RANBP2: variants seen among roughly 807,000 people sequenced by gnomAD.
RANBP2 encodes the protein E3 SUMO-protein ligase RanBP2.
Under a neutral mutation model 303.6 loss-of-function variants are expected in RANBP2, and 57 were observed. The ratio of observed to expected loss-of-function variants is 0.19; its 90% CI spans 0.15 to 0.23. The LOEUF (loss-of-function observed/expected upper bound fraction) is 0.23, where lower values mean the gene tolerates loss of function less well. Among genes scored for constraint, RANBP2 ranks in the 10% least tolerant of loss-of-function variants. The pLI is 1.00. For synonymous variants in RANBP2, 1,167 were observed against 1,301.5 expected, an observed-to-expected ratio of 0.90 and a Z score of 2.23; for missense variants, 3,138 against 3,780.8, an observed-to-expected ratio of 0.83 and a Z score of 4.46.
At chr2:109,187,921 A>T in the RANBP2 span, among the ~76,000 whole-genome samples, 4 of 152,126 alleles carry the variant, frequency 2.6e-5, no homozygotes, top group African/African-American at 9.7e-5. Context: ...TGTGCCTGTC[A>T]GGACTCTCAG....
At chr2:109,688,908 C>A in the RANBP2 span, among the ~76,000 whole-genome samples, 1 of 144,470 alleles carries the variant, frequency 6.9e-6, no homozygotes, top group Non-Finnish European at 1.5e-5. Context: ...TCCTTCCTTT[C>A]TTCCTTCCTT....
chr2:109,003,859 A>G, the RANBP2 span, among the ~76,000 whole-genome samples: 2 of 152,148 alleles, frequency 1.3e-5, no homozygotes, highest in Non-Finnish European at 2.9e-5. Flanking sequence ...TTATATGAAG[A>G]GACACCAGCA....
chr2:109,249,886 G>GTGTT, the RANBP2 span, among the ~76,000 whole-genome samples: 1 of 150,710 alleles, frequency 6.6e-6, no homozygotes, highest in Non-Finnish European at 1.5e-5. Context: ...GGGTTTCACT[G>GTGTT]TGTTAGCCAG....
the RANBP2 span, among the ~76,000 whole-genome samples, chr2:109,515,922 G>A: frequency 9.9e-5 from 15 of 152,256 alleles, no homozygotes; most frequent in African/African-American, 3.6e-4. Flanking sequence ...CCCAAACACC[G>A]CCTGCCAGGC....
the RANBP2 span, among the ~76,000 whole-genome samples, chr2:109,278,443 T>C: frequency 6.6e-6 from 1 of 152,204 alleles, no homozygotes; most frequent in African/African-American, 2.4e-5. Flanking sequence ...TGTTGTCTGT[T>C]CAGCTAAAAT....
At chr2:108,750,809 G>A (rs1356808627) in intron 9 of RANBP2, among the ~76,000 whole-genome samples, 1 of 152,152 alleles carries the variant, frequency 6.6e-6, no homozygotes, top group Non-Finnish European at 1.5e-5. Flanking sequence ...GGCTGGTCTC[G>A]AACTCCTGAC....
chr2:109,159,474 C>T, the RANBP2 span, among the ~76,000 whole-genome samples: 1 of 152,224 alleles, frequency 6.6e-6, no homozygotes, highest in Non-Finnish European at 1.5e-5. Context: ...GAAGAATTGG[C>T]TTGTTTTACA....
chr2:109,055,911 C>T, the RANBP2 span, among the ~76,000 whole-genome samples: 1 of 151,536 alleles, frequency 6.6e-6, no homozygotes, highest in African/African-American at 2.4e-5. Flanking sequence ...AGGTACCCCC[C>T]AGCACGCCCA....
rs750329994 is a variant in RANBP2 at position 108,764,796 on chromosome 2, G to C, written c.4257G>C (p.Trp1419Cys). The change falls in exon 20 of 29, where the codon TGG becomes TGC. Residue 1419 changes from tryptophan to cysteine, a missense_variant. Coordinates refer to ENST00000283195, the MANE Select transcript of RANBP2 (RefSeq NM_006267.5). ...ALVTPKKEGH[W>C]DCSICLVRNE... ...TGACTCCAAAGAAAGAAGGTCACTG[G>C]GATTGTAGTATTTGTTTAGTAAGAA... is the stretch of plus-strand genomic sequence containing the variant. 2 of 1,613,930 alleles carry C rather than the reference G, an allele frequency of 1.2e-6. No individual in the cohort carries two copies. The highest frequency in any genetic ancestry group is 1.3e-5 in the African/African-American group (1 of 75,000).
At chr2:109,683,805 T>C in the RANBP2 span, among the ~76,000 whole-genome samples, 914 of 152,286 alleles carry the variant, frequency 6.0e-3, 7 homozygotes, top group African/African-American at 0.021. Context: ...TTTTTGACAA[T>C]TCACTGTGTC....
At chr2:109,411,860 C>T in the RANBP2 span, among the ~76,000 whole-genome samples, 3 of 152,238 alleles carry the variant, frequency 2.0e-5, no homozygotes, top group Non-Finnish European at 4.4e-5. Flanking sequence ...ACTGTTAAAT[C>T]CCACATATTT....
rs1694428750 is a variant in RANBP2, at chr2:108,723,301, A to G, written c.72+3623A>G. ...TTCTTTTCTTTTTTTTTTTTTTGAG[A>G]CGGAGACTCGCTCTATCGTCCAGGC... On this transcript the variant is annotated intron_variant, in intron 1 of 28. Transcript: ENST00000283195. Among the ~76,000 whole-genome samples, 4 of 141,324 alleles carry G rather than the reference A, an allele frequency of 2.8e-5. No individual in the cohort carries two copies. The South Asian group carries it at 8.8e-4, about 31-fold the overall frequency. 92.7% of individuals were successfully genotyped at this position (141,324 alleles called of 152,430 possible).
chr2:108,800,415 C>T, the RANBP2 span, among the ~76,000 whole-genome samples: 2 of 151,990 alleles, frequency 1.3e-5, no homozygotes, highest in African/African-American at 4.8e-5. Context: ...CAGGCGCCCA[C>T]CACCATGCCC....
chr2:109,215,335 A>G, the RANBP2 span, among the ~76,000 whole-genome samples: 1 of 152,200 alleles, frequency 6.6e-6, no homozygotes, highest in Non-Finnish European at 1.5e-5. Context: ...GATTAAAATC[A>G]GGAGAGTTGA....
At chr2:109,518,530 G>C in the RANBP2 span, among the ~76,000 whole-genome samples, 2 of 152,196 alleles carry the variant, frequency 1.3e-5, no homozygotes, top group Non-Finnish European at 1.5e-5. Flanking sequence ...ACTCCAACAG[G>C]GGGCATCTGC....
At chr2:109,675,284 T>C in the RANBP2 span, among the ~76,000 whole-genome samples, 1 of 152,208 alleles carries the variant, frequency 6.6e-6, no homozygotes, top group Non-Finnish European at 1.5e-5. Context: ...AAGTGCAAAG[T>C]TCTCAGACCA....
chr2:109,268,300 G>A, the RANBP2 span, among the ~76,000 whole-genome samples: 232 of 150,868 alleles, frequency 1.5e-3, no homozygotes, highest in Middle Eastern at 3.4e-3. Context: ...AGGTGGGATT[G>A]GGGGACAGTC....
At chr2:109,664,756 C>G in the RANBP2 span, among the ~76,000 whole-genome samples, 3 of 152,098 alleles carry the variant, frequency 2.0e-5, no homozygotes, top group East Asian at 5.8e-4. Flanking sequence ...ATGGTGAAAC[C>G]CTACCTCTAC....
chr2:109,103,548 T>C, the RANBP2 span, among the ~76,000 whole-genome samples: 1 of 152,198 alleles, frequency 6.6e-6, no homozygotes, highest in Admixed American at 6.5e-5. Context: ...GAAAGAGTTA[T>C]TATCTAAAGA....
Sources: gnomAD v4.1 joint callset for allele counts (sites outside exome capture counted in the v4.1 genomes callset) on GRCh38, gnomAD v4.1.1 for gene constraint, MANE v1.5 for transcripts, NCBI Gene and HGNC (gene_info 2026-07-23, HGNC 2026-07-21) for gene names.